The following TRIO variants were observed in gnomAD, a reference collection of about 807,000 sequenced individuals.
The protein encoded by TRIO is trio Rho guanine nucleotide exchange factor.
Under a neutral mutation model 351.9 loss-of-function variants are expected in TRIO, and 58 were observed. The observed-to-expected ratio is 0.16, with a 90% CI of 0.13 to 0.21. The LOEUF (loss-of-function observed/expected upper bound fraction) is 0.21. Ranked by LOEUF, TRIO falls within the 10% of genes least tolerant of loss-of-function variation. TRIO has a pLI of 1.00. For missense variants in TRIO, 3,201 were observed against 4,027.8 expected (o/e 0.79, Z 5.56); for synonymous variants, 1,758 against 1,595.7 (o/e 1.10, Z -2.42).
intron 34 of TRIO, among the ~76,000 whole-genome samples, chr5:14,457,881 C>T (rs1403091914): frequency 6.6e-6 from 1 of 152,164 alleles, no homozygotes; most frequent in Non-Finnish European, 1.5e-5. Flanking sequence ...TCATACCACT[C>T]CTATGCCAAC....
At chr5:14,388,262 G>C (rs1043057047) in intron 23 of TRIO, among the ~76,000 whole-genome samples, 1 of 152,144 alleles carries the variant, frequency 6.6e-6, no homozygotes, top group Non-Finnish European at 1.5e-5. Flanking sequence ...GGACACTTTG[G>C]TTGTCACAGT....
chr5:14,146,003 A>C (rs1787501932), intron 1 of TRIO, among the ~76,000 whole-genome samples: 1 of 152,244 alleles, frequency 6.6e-6, no homozygotes, highest in African/African-American at 2.4e-5. Flanking sequence ...ATCAGGAGCC[A>C]GGGCAGAACT....
intron 6 of TRIO, 40 bp from the exon 7 acceptor site, chr5:14,297,032 C>G (rs1445013309): frequency 6.4e-7 from 1 of 1,561,040 alleles, no homozygotes; most frequent in African/African-American, 1.4e-5. Flanking sequence ...CTCCTATTTG[C>G]TCTCCCCTAA....
intron 9 of TRIO, among the ~76,000 whole-genome samples, chr5:14,317,936 G>T (rs1020007144): frequency 1.3e-5 from 2 of 152,126 alleles, no homozygotes; most frequent in African/African-American, 4.8e-5. Flanking sequence ...AGACGAGCCT[G>T]CCCAACATGG....
At chr5:14,218,426 T>A (rs1173128009) in intron 1 of TRIO, among the ~76,000 whole-genome samples, 1 of 152,252 alleles carries the variant, frequency 6.6e-6, no homozygotes, top group African/African-American at 2.4e-5. Context: ...AAAAATTTCT[T>A]AACTTTTCCA....
intron 40 of TRIO, among the ~76,000 whole-genome samples, chr5:14,474,921 C>A (rs1448910947): frequency 6.6e-6 from 1 of 152,164 alleles, no homozygotes; most frequent in Non-Finnish European, 1.5e-5. Context: ...GCAGTCTTCC[C>A]ACCTCAGCCT....
chr5:14,321,412 C>T (rs774437690), intron 9 of TRIO, among the ~76,000 whole-genome samples: 8 of 152,204 alleles, frequency 5.3e-5, no homozygotes, highest in East Asian at 1.9e-4. Flanking sequence ...TTACCTGCGC[C>T]GAATGCCAGT....
chr5:14,406,115 A>G lies in TRIO; in HGVS notation c.4859+125A>G, dbSNP rs1283641247. The stretch of plus-strand genomic sequence containing the variant: ...TGAGGAATACATTTTTTAAACTGCC[A>G]TTTGTGGATAACATCATTCTTAGTA... On this transcript the variant is annotated intron_variant, in intron 32 of 56. Coordinates refer to ENST00000344204, the MANE Select transcript of TRIO (RefSeq NM_007118.4). 19 of 1,327,432 alleles carry G rather than the reference A, an allele frequency of 1.4e-5. No homozygotes were observed. The South Asian group carries it at 1.5e-4, about 10-fold the overall frequency. The allele number at this position is 1,327,432 out of a possible 1,614,324, so 82.2% of individuals were successfully genotyped here.
At position 14,461,109 on chromosome 5, in the gene TRIO, GC is replaced by G; in HGVS notation, c.5298del (p.Lys1767SerfsTer27). 6.4e-7 allele frequency: 1 copy of G among 1,558,936 alleles called. No individual in the cohort carries two copies. ...ATGATCGGGGCCCAGAGCTCGCCGG[GC>G]CCCAAGCGGCCGGGCAACACCCTGC... Reference protein sequence around the residue: ...PHMIGAQSSPGPKRPGNTLRK... With the variant: ...PHMIGAQSSPXPKRPGNTLRK... On this transcript the variant is annotated frameshift_variant, in exon 35 of 57. Coordinates refer to ENST00000344204, the MANE Select transcript of TRIO (RefSeq NM_007118.4). LOFTEE classifies it high-confidence loss of function.
intron 11 of TRIO, among the ~76,000 whole-genome samples, chr5:14,340,721 C>T (rs773529818): frequency 1.3e-5 from 2 of 152,142 alleles, no homozygotes; most frequent in East Asian, 1.9e-4. Flanking sequence ...AGGTGGCTGC[C>T]GGAAGTCTTG....
At chr5:14,360,446 T>A (rs987770072) in intron 13 of TRIO, among the ~76,000 whole-genome samples, 1 of 152,232 alleles carries the variant, frequency 6.6e-6, no homozygotes, top group African/African-American at 2.4e-5. Flanking sequence ...TTACAGCTGG[T>A]GGCTGTGACA....
At chr5:14,417,144 T>C (rs1008548799) in intron 33 of TRIO, among the ~76,000 whole-genome samples, 1 of 152,228 alleles carries the variant, frequency 6.6e-6, no homozygotes, top group East Asian at 1.9e-4. Flanking sequence ...AGGCTGGGCC[T>C]CTGCCTTTGA....
Position 14,197,555 on chromosome 5 carries a change from T to C in TRIO, c.157+53673T>C, listed in dbSNP as rs150423805. Among the ~76,000 whole-genome samples the C allele has an allele frequency of 6.3e-3, 961 of 152,360 alleles. 14 individuals carry two copies. Among genetic ancestry groups the C allele is most frequent in the African/African-American group, 0.022 (928 of 41,578 alleles). On this transcript the variant is annotated intron_variant, in intron 1 of 56. Coordinates refer to ENST00000344204, the MANE Select transcript of TRIO (RefSeq NM_007118.4). ...AGTCAGAACTGTCTCTAGCCAATTA[T>C]AAGCATCTCATATGGCAACAGTAGT...
chr5:14,432,426 C>A (rs766081418), intron 34 of TRIO, among the ~76,000 whole-genome samples: 9 of 152,204 alleles, frequency 5.9e-5, no homozygotes, highest in Non-Finnish European at 7.3e-5. Context: ...TATGGAAGAG[C>A]TAATTCTAGA....
At chr5:14,433,126 G>A (rs561115176) in intron 34 of TRIO, among the ~76,000 whole-genome samples, 1 of 152,272 alleles carries the variant, frequency 6.6e-6, no homozygotes, top group East Asian at 1.9e-4. Flanking sequence ...TAGTTAAAGT[G>A]AAATGTAAAA....
intron 1 of TRIO, chr5:14,183,947 G>A (rs1396959942): frequency 1.4e-6 from 1 of 697,824 alleles, no homozygotes; most frequent in Non-Finnish European, 2.6e-6. Flanking sequence ...TACCCAAGAG[G>A]ACATGGCAGA....
intron 1 of TRIO, among the ~76,000 whole-genome samples, chr5:14,263,031 G>A (rs1225654301): frequency 6.6e-6 from 1 of 152,038 alleles, no homozygotes; most frequent in East Asian, 1.9e-4. Context: ...TGCTTGCTCT[G>A]GCTGGAGTGC....
chr5:14,458,030 T>A (rs1247504321), intron 34 of TRIO, among the ~76,000 whole-genome samples: 6 of 151,214 alleles, frequency 4.0e-5, no homozygotes, highest in Non-Finnish European at 7.4e-5. Flanking sequence ...CTAAAATAAG[T>A]GGGCCTGGGT....
In TRIO at chr5:14,488,271, CG is replaced by C. The variant is rs761689071; in HGVS notation, c.7632+17del. 4.5e-6 allele frequency: 7 copies of C among 1,545,356 alleles called. No individual in the cohort carries two copies. Among genetic ancestry groups the C allele is most frequent in the Non-Finnish European group, 5.2e-6 (6 of 1,150,918 alleles). On this transcript the variant is annotated intron_variant, in intron 48 of 56. Coordinates refer to ENST00000344204, the MANE Select transcript of TRIO (RefSeq NM_007118.4). The stretch of plus-strand genomic sequence containing the variant: ...ACCCAGAGCAACGGGGTAAGCGCGT[CG>C]GGGGGCCCGCGCCCTCCCGCCCCCC...
Sources: gnomAD v4.1 joint callset for allele counts (sites outside exome capture counted in the v4.1 genomes callset) on GRCh38, gnomAD v4.1.1 for gene constraint, MANE v1.5 for transcripts, NCBI Gene and HGNC (gene_info 2026-07-23, HGNC 2026-07-21) for gene names.